MACROD2: variants seen among roughly 807,000 people sequenced by gnomAD.
MACROD2 encodes ADP-ribose glycohydrolase MACROD2.
A neutral mutation model predicts 70.4 loss-of-function variants in MACROD2; 36 were observed. The ratio of observed to expected loss-of-function variants is 0.51; its 90% CI spans 0.39 to 0.68. MACROD2 has a LOEUF of 0.68. MACROD2 is among the 30% of genes least tolerant of loss of function. The pLI is 0.00. For synonymous variants in MACROD2, 172 were observed against 178.8 expected (o/e 0.96, Z 0.30); for missense variants, 496 against 538.4 (o/e 0.92, Z 0.78).
At chr20:14,511,926 A>G (rs1383064061) in intron 4 of MACROD2, among the ~76,000 whole-genome samples, 1 of 152,074 alleles carries the variant, frequency 6.6e-6, no homozygotes, top group Non-Finnish European at 1.5e-5. Flanking sequence ...CAGTAAAGAA[A>G]CATTTTTTCA....
chr20:15,292,153 G>T (rs1485646578), intron 6 of MACROD2, among the ~76,000 whole-genome samples: 1 of 152,118 alleles, frequency 6.6e-6, no homozygotes, highest in Non-Finnish European at 1.5e-5. Context: ...TGGGACTACA[G>T]GTGTGAGCCA....
intron 5 of MACROD2, among the ~76,000 whole-genome samples, chr20:15,084,098 TC>T (rs1405098195): frequency 8.0e-6 from 1 of 125,776 alleles, no homozygotes; most frequent in Non-Finnish European, 1.7e-5. Context: ...GAAGTTTTGC[TC>T]TTTTTGCCCA....
At chr20:14,185,701 G>A (rs1569196702) in intron 3 of MACROD2, among the ~76,000 whole-genome samples, 1 of 152,092 alleles carries the variant, frequency 6.6e-6, no homozygotes, top group Non-Finnish European at 1.5e-5. Context: ...ATTACTGAAT[G>A]CAAATTTCAA....
intron 15 of MACROD2, among the ~76,000 whole-genome samples, chr20:15,994,413 T>C (rs1302090591): frequency 6.6e-6 from 1 of 152,206 alleles, no homozygotes; most frequent in East Asian, 1.9e-4. Flanking sequence ...AAAAAAACTC[T>C]TCGAACAAGA....
At chr20:15,026,111 T>TC (rs142286750) in intron 5 of MACROD2, among the ~76,000 whole-genome samples, 19,740 of 152,200 alleles carry the variant, frequency 0.13, 1,432 homozygotes, top group Non-Finnish European at 0.16. Context: ...TTCCCAGTCT[T>TC]CAGGGGGGAA....
chr20:15,465,519 T>G (rs78281461), intron 7 of MACROD2, among the ~76,000 whole-genome samples: 8,756 of 152,300 alleles, frequency 0.057, 304 homozygotes, highest in Middle Eastern at 0.099. Flanking sequence ...GCAGGCAGAA[T>G]TTTCTCCTCA....
chr20:15,625,180 A>G (rs868747869), intron 8 of MACROD2, among the ~76,000 whole-genome samples: 13 of 152,228 alleles, frequency 8.5e-5, no homozygotes, highest in South Asian at 2.1e-4. Flanking sequence ...CCAAAAATGG[A>G]TAATGAAGGA....
chr20:15,597,774 T>C (rs746386609), intron 8 of MACROD2, among the ~76,000 whole-genome samples: 12 of 152,134 alleles, frequency 7.9e-5, no homozygotes, highest in Non-Finnish European at 1.6e-4. Context: ...GAAACAAAAG[T>C]TAATAGGAAA....
At chr20:15,325,463 G>A (rs756935395) in intron 6 of MACROD2, among the ~76,000 whole-genome samples, 6 of 152,018 alleles carry the variant, frequency 3.9e-5, no homozygotes, top group Non-Finnish European at 7.4e-5. Flanking sequence ...ATATGCCATT[G>A]TTCTCCTTTA....
intron 6 of MACROD2, among the ~76,000 whole-genome samples, chr20:15,339,785 T>C (rs146394795): frequency 6.6e-6 from 1 of 151,932 alleles, no homozygotes; most frequent in East Asian, 1.9e-4. Flanking sequence ...TATTGTACTT[T>C]TGCTGGAAAG....
At chr20:15,731,970 G>T in intron 8 of MACROD2, among the ~76,000 whole-genome samples, 1 of 59,998 alleles carries the variant, frequency 1.7e-5, no homozygotes, top group Non-Finnish European at 4.8e-5. Flanking sequence ...TGGCCAGGCT[G>T]GTCTTGAACT....
chr20:14,162,010 G>A (rs914205052), intron 3 of MACROD2, among the ~76,000 whole-genome samples: 9 of 152,292 alleles, frequency 5.9e-5, no homozygotes, highest in African/African-American at 1.9e-4. Flanking sequence ...TGATGTAGGT[G>A]TTTATTGCTA....
intron 5 of MACROD2, chr20:14,894,812 A>C (rs1351395395): frequency 6.6e-6 from 1 of 152,112 alleles, no homozygotes; most frequent in African/African-American, 2.4e-5. Flanking sequence ...TTTACTGATA[A>C]ATTTTGTGTC....
At chr20:15,315,425 A>C (rs1304180) in intron 6 of MACROD2, among the ~76,000 whole-genome samples, 6,554 of 152,284 alleles carry the variant, frequency 0.043, 154 homozygotes, top group South Asian at 0.1. Context: ...CACTAGAAAC[A>C]AAGAAACTCT....
intron 5 of MACROD2, among the ~76,000 whole-genome samples, chr20:15,031,867 G>A (rs1362556867): frequency 6.6e-6 from 1 of 152,090 alleles, no homozygotes; most frequent in African/African-American, 2.4e-5. Context: ...GTTTCACCAG[G>A]GACTCGCGCC....
rs542433149 is a variant in MACROD2, at chr20:14,771,296, C to T, written c.418+86337C>T. ...TGGAGTTTTTTAACCTCCATAATTA[C>T]GGTAGCCAATTTCTATTGGCTTTGC... On this transcript the variant is annotated intron_variant, in intron 5 of 17. Coordinates refer to ENST00000684519, the MANE Select transcript of MACROD2 (RefSeq NM_001351661.2). 2.6e-4 allele frequency among the ~76,000 whole-genome samples: 39 copies of T among 152,042 alleles called. 1 individual carries two copies. In the Middle Eastern group the frequency reaches 0.017, roughly 67 times the overall value.
intron 7 of MACROD2, among the ~76,000 whole-genome samples, chr20:15,489,740 G>A (rs1208222967): frequency 6.6e-6 from 1 of 152,136 alleles, no homozygotes; most frequent in Non-Finnish European, 1.5e-5. Context: ...AGACTGGAGT[G>A]TCTGACATAG....
At chr20:14,525,062 A>C (rs374211290) in intron 4 of MACROD2, among the ~76,000 whole-genome samples, 3 of 152,132 alleles carry the variant, frequency 2.0e-5, no homozygotes, top group Non-Finnish European at 4.4e-5. Flanking sequence ...AGAATTCCGA[A>C]TTTATTTTCT....
At chr20:14,885,301 T>C (rs1052083507) in intron 5 of MACROD2, among the ~76,000 whole-genome samples, 1 of 152,182 alleles carries the variant, frequency 6.6e-6, no homozygotes, top group Non-Finnish European at 1.5e-5. Flanking sequence ...ATACATGTAA[T>C]CTTTATTGCA....
Sources: gnomAD v4.1 joint callset for allele counts (sites outside exome capture counted in the v4.1 genomes callset) on GRCh38, gnomAD v4.1.1 for gene constraint, MANE v1.5 for transcripts, NCBI Gene and HGNC (gene_info 2026-07-23, HGNC 2026-07-21) for gene names.